Variants in LRRTM2 observed in about 807,000 individuals in gnomAD.
The protein encoded by LRRTM2 is leucine-rich repeat transmembrane neuronal protein 2.
LRRTM2 carries 14 observed loss-of-function variants against 40.7 expected under a neutral mutation model. That is an observed-to-expected ratio of 0.34 (90% confidence interval 0.23 to 0.54). The LOEUF is 0.54. LRRTM2 is among the 20% of genes least tolerant of loss of function. The pLI is 0.92. For synonymous variants in LRRTM2, 223 were observed against 237.6 expected, an observed-to-expected ratio of 0.94 and a Z score of 0.57; for missense variants, 468 against 624.4, an observed-to-expected ratio of 0.75 and a Z score of 2.67.
chr5:138,874,086 G>A lies in LRRTM2; in HGVS notation c.475C>T (p.Leu159=). 2 of 1,613,884 alleles carry A rather than the reference G, an allele frequency of 1.2e-6. No homozygotes were observed. The highest frequency in any genetic ancestry group is 4.5e-5 in the East Asian group (2 of 44,888). ...TTGGAACGTAAATGCAAGGTCTGCA[G>A]CTTCCGAAGGCCATAGAAGAGCTCT... ...HPELFYGLRK[L]QTLHLRSNSL... is the part of the protein sequence containing the mutation. Residue 159 remains leucine (L), a synonymous_variant, in exon 2 of 2, where the codon CTG becomes TTG. Coordinates refer to ENST00000274711, the MANE Select transcript of LRRTM2 (RefSeq NM_015564.3). The surrounding 1 kb of genome is among the most constrained non-coding windows in gnomAD (Gnocchi z 4.1).
Position 138,873,257 on chromosome 5 carries a change from A to G in LRRTM2, c.1304T>C (p.Phe435Ser). Residue 435 changes from phenylalanine (F) to serine (S), a missense_variant, in exon 2 of 2, where the codon TTT (phenylalanine) becomes TCT (serine). Phe to Ser is a radical substitution (Grantham distance 155). Coordinates refer to ENST00000274711, the MANE Select transcript of LRRTM2 (RefSeq NM_015564.3). The surrounding 1 kb of genome is among the most constrained non-coding windows in gnomAD (Gnocchi z 6.1). Reference sequence around the variant, plus strand: ...GATGAACACTATAAAAATAATAAAAAAGAAAGAAAACAATAAAGCCATTGT... The same window carrying G: ...GATGAACACTATAAAAATAATAAAAGAGAAAGAAAACAATAAAGCCATTGT... ...TGTMALLFSF[F>S]FIIFIVFISR... 6.2e-7 allele frequency: 1 copy of G among 1,613,826 alleles called. No homozygotes were observed. Among genetic ancestry groups the G allele is most frequent in the Non-Finnish European group, 8.5e-7 (1 of 1,179,808 alleles).
In LRRTM2 at chr5:138,874,544, T is replaced by G. The variant is rs1251667910; in HGVS notation, c.17A>C (p.Lys6Thr). Reference protein sequence around the residue: MGLHFKWPLGAPMLAA... With the variant: MGLHFTWPLGAPMLAA... ...CAGCATAGGGGCCCCTAATGGCCAC[T>G]TGAAATGTAAGCCTGCAGAATATAA... is the stretch of plus-strand genomic sequence containing the variant. The change falls in exon 2 of 2, where the codon AAG becomes ACG. Residue 6 changes from lysine to threonine, a missense_variant. Physicochemically the swap from Lys to Thr is moderately conservative, Grantham distance 78 (BLOSUM62 -1). Transcript: ENST00000274711. This position sits in a 1 kb window ranked among gnomAD's most constrained non-coding sequence, Gnocchi z 4.1. 1 of 1,564,612 alleles carries G rather than the reference T, an allele frequency of 6.4e-7. No homozygotes were observed. Among genetic ancestry groups the G allele is most frequent in the Non-Finnish European group, 8.7e-7 (1 of 1,150,400 alleles).
Position 138,873,428 on chromosome 5 carries a change from G to T in LRRTM2, c.1133C>A (p.Thr378Asn). 1.2e-6 allele frequency: 2 copies of T among 1,613,970 alleles called. No homozygotes were observed. Among genetic ancestry groups the T allele is most frequent in the Non-Finnish European group, 1.7e-6 (2 of 1,179,898 alleles). ...TVMATTYRDP[T>N]TEYTKRISSS... Reference sequence around the variant, plus strand: ...GCTTATTCTTTTTGTATATTCAGTGGTTGGATCTCTATAAGTTGTAGCCAT... The same window carrying T: ...GCTTATTCTTTTTGTATATTCAGTGTTTGGATCTCTATAAGTTGTAGCCAT... The change falls in exon 2 of 2, where the codon ACC (threonine) becomes AAC (asparagine). Residue 378 changes from threonine (T) to asparagine (N), a missense_variant. By Grantham distance (65) the Thr-to-Asn change is moderately conservative. Transcript: ENST00000274711. This position sits in a 1 kb window ranked among gnomAD's most constrained non-coding sequence, Gnocchi z 6.1.
rs1157822089 is a variant in LRRTM2 at position 138,869,114 on chromosome 5, TTG to T, written c.*3894_*3895del. On this transcript the variant is annotated 3_prime_UTR_variant, in exon 2 of 2. Transcript: ENST00000274711. The stretch of plus-strand genomic sequence containing the variant: ...GAACACAATGTATTTGGACTGTACT[TTG>T]AGTTTCCAGTCTCAGTGTTGATAGG... The T allele has an allele frequency of 6.6e-6, 1 of 151,284 alleles. No homozygotes were observed. The highest frequency in any genetic ancestry group is 1.9e-4 in the East Asian group (1 of 5,160). The allele number at this position is 151,284 out of a possible 1,614,324, so 9.4% of individuals were successfully genotyped here. A position where few individuals can be genotyped will look rare whatever the true frequency, so the allele number is the denominator to read the frequency against.
In LRRTM2 at chr5:138,870,124, T is replaced by C. The variant is rs1048935299; in HGVS notation, c.*2886A>G. 2.6e-5 allele frequency: 4 copies of C among 152,148 alleles called. No individual in the cohort carries two copies. Among genetic ancestry groups the C allele is most frequent in the African/African-American group, 9.7e-5 (4 of 41,442 alleles). 9.4% of individuals were successfully genotyped at this position (152,148 alleles called of 1,614,324 possible). On this transcript the variant is annotated 3_prime_UTR_variant, in exon 2 of 2. Transcript: ENST00000274711. Reference sequence around the variant, plus strand: ...AATAGAAAAAAAATGGAGTGGGTAGTGGTGGTGAAGAGGATAAAACCCCAT... The same window carrying C: ...AATAGAAAAAAAATGGAGTGGGTAGCGGTGGTGAAGAGGATAAAACCCCAT...
Position 138,872,848 on chromosome 5 carries a change from A to C in LRRTM2, c.*162T>G. ...CATTTAACACTTAAAATATGGTTTC[A>C]TTTAAAAAATTAAAAATACTTCAAC... On this transcript the variant is annotated 3_prime_UTR_variant, in exon 2 of 2. Transcript: ENST00000274711. 1.9e-6 allele frequency: 1 copy of C among 517,032 alleles called. No homozygotes were observed. The highest frequency in any genetic ancestry group is 3.3e-6 in the Non-Finnish European group (1 of 298,722). 32.0% of individuals were successfully genotyped at this position (517,032 alleles called of 1,614,324 possible).
rs1345267370 is a variant in LRRTM2, at chr5:138,874,848, C to T, written c.4+60G>A. 2.0e-6 allele frequency: 3 copies of T among 1,500,518 alleles called. No individual in the cohort carries two copies. Among genetic ancestry groups the T allele is most frequent in the East Asian group, 4.5e-5 (2 of 44,242 alleles). 93.0% of individuals were successfully genotyped at this position (1,500,518 alleles called of 1,614,324 possible). ...CCCTCATAAAATGTGAATTCGGTAG[C>T]TTATTTTAAAAGCGTGATTCCTTGT... On this transcript the variant is annotated intron_variant, in intron 1 of 1. Transcript: ENST00000274711. This position sits in a 1 kb window ranked among gnomAD's most constrained non-coding sequence, Gnocchi z 4.1.
chr5:138,873,466 G>A lies in LRRTM2; in HGVS notation c.1095C>T (p.Thr365=), dbSNP rs1750899524. Residue 365 remains threonine, a synonymous_variant, in exon 2 of 2, where the codon ACC becomes ACT. Transcript: ENST00000274711. The surrounding 1 kb of genome is among the most constrained non-coding windows in gnomAD (Gnocchi z 6.1). ...AAGTTGTAGCCATGACAGTGACAGTGGTTGACAAATTCCAGCAGAGCTGAA... is the reference window on the plus strand; with the variant it reads ...AAGTTGTAGCCATGACAGTGACAGTAGTTGACAAATTCCAGCAGAGCTGAA... ...HGFQLCWNLS[T]TVTVMATTYR... The A allele has an allele frequency of 6.2e-7, 1 of 1,613,968 alleles. No homozygotes were observed. The highest frequency in any genetic ancestry group is 8.5e-7 in the Non-Finnish European group (1 of 1,179,886).
chr5:138,874,043 G>A lies in LRRTM2; in HGVS notation c.518C>T (p.Pro173Leu), dbSNP rs551224678. ...ACGACAGTCCCAGAACAGGCGTACT[G>A]GGATAGTCCGCAGGGAGTTGGAACG... ...HLRSNSLRTI[P>L]VRLFWDCRSL... The change falls in exon 2 of 2, where the codon CCA becomes CTA. Residue 173 changes from proline to leucine, a missense_variant. Physicochemically the swap from Pro to Leu is moderately conservative, Grantham distance 98. Coordinates refer to ENST00000274711, the MANE Select transcript of LRRTM2 (RefSeq NM_015564.3). The surrounding 1 kb of genome is among the most constrained non-coding windows in gnomAD (Gnocchi z 4.1). 1.2e-5 allele frequency: 19 copies of A among 1,613,984 alleles called. No individual in the cohort carries two copies. In the South Asian group the frequency reaches 2.0e-4, roughly 17 times the overall value.
rs774314190 is a variant in LRRTM2 at position 138,872,940 on chromosome 5, G to C, written c.*70C>G. 3.3e-5 allele frequency: 36 copies of C among 1,089,612 alleles called. No homozygotes were observed. Among genetic ancestry groups the C allele is most frequent in the Non-Finnish European group, 4.6e-5 (36 of 777,656 alleles). 67.5% of individuals were successfully genotyped at this position (1,089,612 alleles called of 1,614,324 possible). A position where few individuals can be genotyped will look rare whatever the true frequency, so the allele number is the denominator to read the frequency against. On this transcript the variant is annotated 3_prime_UTR_variant, in exon 2 of 2. Coordinates refer to ENST00000274711, the MANE Select transcript of LRRTM2 (RefSeq NM_015564.3). ...TTAATGTCACCATTGGTAAAAATTA[G>C]ATATGTATTTAGCCTCTACTATGTA... is the stretch of plus-strand genomic sequence containing the variant.
chr5:138,873,376 T>G lies in LRRTM2; in HGVS notation c.1185A>C (p.Lys395Asn). ...CTATGCCTGCAGTAGTTGGGATTTC[T>G]TTGTCTCCCACATGGTAACTTGATG... ...ISSSSYHVGD[K>N]EIPTTAGIAV... Residue 395 changes from lysine (K) to asparagine (N), a missense_variant, in exon 2 of 2, where the codon AAA (lysine) becomes AAC (asparagine). Physicochemically the swap from Lys to Asn is moderately conservative, Grantham distance 94. Coordinates refer to ENST00000274711, the MANE Select transcript of LRRTM2 (RefSeq NM_015564.3). The surrounding 1 kb of genome is among the most constrained non-coding windows in gnomAD (Gnocchi z 6.1). 1 of 1,614,080 alleles carries G rather than the reference T, an allele frequency of 6.2e-7. No individual in the cohort carries two copies. Among genetic ancestry groups the G allele is most frequent in the East Asian group, 2.2e-5 (1 of 44,896 alleles).
rs1033158381 is a variant in LRRTM2, at chr5:138,870,404, A to C, written c.*2606T>G. On this transcript the variant is annotated 3_prime_UTR_variant, in exon 2 of 2. Coordinates refer to ENST00000274711, the MANE Select transcript of LRRTM2 (RefSeq NM_015564.3). ...TACTACTGTCATTCACTTTTCTTAA[A>C]GGACATTACCCAGAAAAATGGAAGG... 3 of 152,260 alleles carry C rather than the reference A, an allele frequency of 2.0e-5. No individual in the cohort carries two copies. The highest frequency in any genetic ancestry group is 7.2e-5 in the African/African-American group (3 of 41,472). The allele number at this position is 152,260 out of a possible 1,614,324, so 9.4% of individuals were successfully genotyped here.
chr5:138,872,027 A>AGTGTGTGTGTGTGTGTGTGTGTGT lies in LRRTM2; in HGVS notation c.*959_*982dup, dbSNP rs370259988. 7.5e-6 allele frequency: 1 copy of AGTGTGTGTGTGTGTGTGTGTGTGT among 133,066 alleles called. No individual in the cohort carries two copies. Among genetic ancestry groups the AGTGTGTGTGTGTGTGTGTGTGTGT allele is most frequent in the Non-Finnish European group, 1.6e-5 (1 of 61,996 alleles). 8.2% of individuals were successfully genotyped at this position (133,066 alleles called of 1,614,324 possible). ...TGATAGTTGAGAGAGAGAGCGCGAG[A>AGTGTGTGTGTGTGTGTGTGTGTGT]GTGTGTGTGTGTGTGTGTGTGTGTG... On this transcript the variant is annotated 3_prime_UTR_variant, in exon 2 of 2. Transcript: ENST00000274711.
At position 138,873,933 on chromosome 5, in the gene LRRTM2, G is replaced by T. The variant is rs1285653295; in HGVS notation, c.628C>A (p.Leu210Ile). 1.9e-6 allele frequency: 3 copies of T among 1,613,874 alleles called. No individual in the cohort carries two copies. The African/African-American group carries it at 4.0e-5, about 22-fold the overall frequency. The change falls in exon 2 of 2, where the codon CTT (leucine) becomes ATT (isoleucine). Residue 210 changes from leucine to isoleucine, a missense_variant. Coordinates refer to ENST00000274711, the MANE Select transcript of LRRTM2 (RefSeq NM_015564.3). The surrounding 1 kb of genome is among the most constrained non-coding windows in gnomAD (Gnocchi z 6.1). ...GFAGLIKLRE[L>I]HLEHNQLTKI... ...GTCAGCTGGTTGTGCTCTAGGTGAAGCTCTCTCAGTTTAATTAATCCTGCA... is the reference window on the plus strand; with the variant it reads ...GTCAGCTGGTTGTGCTCTAGGTGAATCTCTCTCAGTTTAATTAATCCTGCA...
rs1750815239 is a variant in LRRTM2 at position 138,872,919 on chromosome 5, T to C, written c.*91A>G. On this transcript the variant is annotated 3_prime_UTR_variant, in exon 2 of 2. Coordinates refer to ENST00000274711, the MANE Select transcript of LRRTM2 (RefSeq NM_015564.3). ...ACTTAGTTTGGAAAATTAGGCTTAA[T>C]GTCACCATTGGTAAAAATTAGATAT... 1.2e-5 allele frequency: 11 copies of C among 912,350 alleles called. No homozygotes were observed. The highest frequency in any genetic ancestry group is 6.4e-4 in the Middle Eastern group (2 of 3,116). 56.5% of individuals were successfully genotyped at this position (912,350 alleles called of 1,614,324 possible).
rs1422807423 is a variant in LRRTM2, at chr5:138,873,343, A to G, written c.1218T>C (p.Thr406=). 6.2e-7 allele frequency: 1 copy of G among 1,613,942 alleles called. No individual in the cohort carries two copies. Among genetic ancestry groups the G allele is most frequent in the Non-Finnish European group, 8.5e-7 (1 of 1,179,888 alleles). The change falls in exon 2 of 2, where the codon ACT becomes ACC. Residue 406 remains threonine, a synonymous_variant. Coordinates refer to ENST00000274711, the MANE Select transcript of LRRTM2 (RefSeq NM_015564.3). The surrounding 1 kb of genome is among the most constrained non-coding windows in gnomAD (Gnocchi z 6.1). ...EIPTTAGIAV[T]TEEHFPEPDN... is the part of the protein sequence containing the mutation. ...CTGGTTCAGGAAAGTGTTCCTCGGT[A>G]GTAACTGCTATGCCTGCAGTAGTTG...
chr5:138,874,462 C>T lies in LRRTM2; in HGVS notation c.99G>A (p.Ala33=), dbSNP rs776974901. 30 of 1,613,340 alleles carry T rather than the reference C, an allele frequency of 1.9e-5. No individual in the cohort carries two copies. The highest frequency in any genetic ancestry group is 2.2e-5 in the South Asian group (2 of 90,970). The change falls in exon 2 of 2, where the codon GCG becomes GCA. Residue 33 remains alanine (A), a synonymous_variant. Coordinates refer to ENST00000274711, the MANE Select transcript of LRRTM2 (RefSeq NM_015564.3). The surrounding 1 kb of genome is among the most constrained non-coding windows in gnomAD (Gnocchi z 4.1). ...TCTCGCAGCGGCATTTGGGTGGACA[C>T]GCCATACCCAGGGCAGGCAGCATTT... ...VLKMLPALGM[A]CPPKCRCEKL...
At position 138,873,152 on chromosome 5, in the gene LRRTM2, TG is replaced by T; in HGVS notation, c.1408del (p.Gln470LysfsTer60). 6.2e-7 allele frequency: 1 copy of T among 1,614,038 alleles called. No individual in the cohort carries two copies. Among genetic ancestry groups the T allele is most frequent in the Non-Finnish European group, 8.5e-7 (1 of 1,179,904 alleles). The part of the protein sequence containing the change: ...MVQNHRQLRS[Q>X]TRLHMSNMSD... ...CATGTTTGACATATGGAGTCGTGTT[TG>T]GGATCGGAGCTGCCTGTGGTTCTGA... On this transcript the variant is annotated frameshift_variant, in exon 2 of 2. Coordinates refer to ENST00000274711, the MANE Select transcript of LRRTM2 (RefSeq NM_015564.3). LOFTEE classifies it high-confidence loss of function. The surrounding 1 kb of genome is among the most constrained non-coding windows in gnomAD (Gnocchi z 6.1).
rs1750837023 is a variant in LRRTM2 at position 138,873,084 on chromosome 5, C to T, written c.1477G>A (p.Gly493Arg). 6 of 1,613,872 alleles carry T rather than the reference C, an allele frequency of 3.7e-6. No homozygotes were observed. The highest frequency in any genetic ancestry group is 5.1e-6 in the Non-Finnish European group (6 of 1,179,854). ...TAACCATTAATGATGATGAAGGGTCCTTCATGGGTGGGTTCATATTCATTA... is the reference window on the plus strand; with the variant it reads ...TAACCATTAATGATGATGAAGGGTCTTTCATGGGTGGGTTCATATTCATTA... ...PYNEYEPTHE[G>R]PFIIINGYGQ... Residue 493 changes from glycine to arginine, a missense_variant, in exon 2 of 2, where the codon GGA (glycine) becomes AGA (arginine). Transcript: ENST00000274711. This position sits in a 1 kb window ranked among gnomAD's most constrained non-coding sequence, Gnocchi z 6.1.
Sources: gnomAD v4.1 joint callset for allele counts on GRCh38, gnomAD v4.1.1 for gene constraint, Gnocchi (gnomAD v3.1) non-coding constraint, MANE v1.5 for transcripts, NCBI Gene and HGNC (gene_info 2026-07-23, HGNC 2026-07-21) for gene names.